Variants in FGF9 observed in about 807,000 individuals in gnomAD.
The protein encoded by FGF9 is fibroblast growth factor 9.
FGF9 carries 3 observed loss-of-function variants against 19.9 expected under a neutral mutation model. That is an observed-to-expected ratio of 0.15 (90% CI 0.07 to 0.39). The LOEUF is 0.39. Ranked by LOEUF, FGF9 falls within the 10% of genes least tolerant of loss-of-function variation. The probability of loss-of-function intolerance (pLI) is 1.00; values close to 1 mark genes in which losing one functional copy is unlikely to be tolerated. For synonymous variants in FGF9, 107 were observed against 106.9 expected (o/e 1.00, Z -0.01); for missense variants, 175 against 256.8 (o/e 0.68, Z 2.18).
In FGF9 at chr13:21,701,918, C is replaced by T. The variant is rs145722356; in HGVS notation, c.*483C>T. ...TGGCCTGCGCGAGGGTGCAGTCTTACTTAAAAGACTTTCAGTTAATTCTCA... is the reference window on the plus strand; with the variant it reads ...TGGCCTGCGCGAGGGTGCAGTCTTATTTAAAAGACTTTCAGTTAATTCTCA... On this transcript the variant is annotated 3_prime_UTR_variant, in exon 3 of 3. Transcript: ENST00000382353. 3.2e-3 allele frequency: 498 copies of T among 154,964 alleles called. No individual in the cohort carries two copies. Among genetic ancestry groups the T allele is most frequent in the African/African-American group, 0.011 (470 of 41,490 alleles). The allele number at this position is 154,964 out of a possible 1,614,324, so 9.6% of individuals were successfully genotyped here.
intron 1 of FGF9, among the ~76,000 whole-genome samples, chr13:21,676,882 G>T (rs1274820742): frequency 6.6e-6 from 1 of 152,188 alleles, no homozygotes; most frequent in Non-Finnish European, 1.5e-5. Context: ...AGGGGGCGGT[G>T]CCAGCTTTGG....
intron 1 of FGF9, among the ~76,000 whole-genome samples, chr13:21,680,217 A>C (rs768720161): frequency 1.6e-4 from 25 of 152,154 alleles, no homozygotes; most frequent in Non-Finnish European, 2.9e-4. Context: ...ATCTCTTCAG[A>C]ATATTATTAT....
intron 1 of FGF9, among the ~76,000 whole-genome samples, chr13:21,676,294 C>G (rs1871913270): frequency 6.6e-6 from 1 of 152,080 alleles, no homozygotes; most frequent in Admixed American, 6.5e-5. Flanking sequence ...ACTGGGGCTT[C>G]CATTCAAATT....
At chr13:21,686,269 T>C (rs1010438538) in intron 2 of FGF9, among the ~76,000 whole-genome samples, 4 of 152,330 alleles carry the variant, frequency 2.6e-5, no homozygotes, top group Non-Finnish European at 4.4e-5. Context: ...CATCAAGTGA[T>C]CTGCCAGCCT....
At position 21,671,764 on chromosome 13, in the gene FGF9, A is replaced by T; in HGVS notation, c.-149A>T. On this transcript the variant is annotated 5_prime_UTR_variant, in exon 1 of 3. Transcript: ENST00000382353. ...AACAGCAGATTACTTTTATTTATGC[A>T]TTTAATGGATTGAAGAAAAGAACCT... 1.2e-6 allele frequency: 1 copy of T among 863,384 alleles called. No individual in the cohort carries two copies. Among genetic ancestry groups the T allele is most frequent in the Non-Finnish European group, 1.9e-6 (1 of 539,190 alleles). 53.5% of individuals were successfully genotyped at this position (863,384 alleles called of 1,614,324 possible). A position where few individuals can be genotyped will look rare whatever the true frequency, so the allele number is the denominator to read the frequency against.
chr13:21,679,179 C>A (rs1053366997), intron 1 of FGF9, among the ~76,000 whole-genome samples: 3 of 152,156 alleles, frequency 2.0e-5, no homozygotes, highest in Non-Finnish European at 4.4e-5. Flanking sequence ...TGTAATTTCA[C>A]TTTTTTTGAT....
intron 1 of FGF9, among the ~76,000 whole-genome samples, chr13:21,676,611 G>A (rs1025992507): frequency 1.3e-5 from 2 of 152,226 alleles, no homozygotes; most frequent in African/African-American, 4.8e-5. Flanking sequence ...TGATCTGGCA[G>A]CCCTGGTTCG....
intron 2 of FGF9, among the ~76,000 whole-genome samples, chr13:21,685,437 G>GA (rs2138137472): frequency 6.6e-6 from 1 of 152,222 alleles, no homozygotes; most frequent in South Asian, 2.1e-4. Flanking sequence ...TACTTCTTCA[G>GA]AAAAATATAC....
rs980568819 is a variant in FGF9 at position 21,702,654 on chromosome 13, A to T, written c.*1219A>T. ...TTTTAAAGACGTAAGAATCAGATTA[A>T]CAGGATCATACTTGTAAACTTTTTT... On this transcript the variant is annotated 3_prime_UTR_variant, in exon 3 of 3. Transcript: ENST00000382353. 2.6e-5 allele frequency: 4 copies of T among 152,248 alleles called. No individual in the cohort carries two copies. The highest frequency in any genetic ancestry group is 9.6e-5 in the African/African-American group (4 of 41,464). 9.4% of individuals were successfully genotyped at this position (152,248 alleles called of 1,614,324 possible).
At position 21,701,997 on chromosome 13, in the gene FGF9, A is replaced by T. The variant is rs1030874199; in HGVS notation, c.*562A>T. The T allele has an allele frequency of 9.2e-5, 14 of 151,850 alleles. No homozygotes were observed. The highest frequency in any genetic ancestry group is 2.1e-4 in the South Asian group (1 of 4,826). 9.4% of individuals were successfully genotyped at this position (151,850 alleles called of 1,614,324 possible). A position where few individuals can be genotyped will look rare whatever the true frequency, so the allele number is the denominator to read the frequency against. On this transcript the variant is annotated 3_prime_UTR_variant, in exon 3 of 3. Coordinates refer to ENST00000382353, the MANE Select transcript of FGF9 (RefSeq NM_002010.3). ...AAGACCTCTTAGTAAAAAATAAAAA[A>T]AAATAAAAAATAAAAATAAAAAAAG...
At position 21,704,447 on chromosome 13, in the gene FGF9, A is replaced by G. The variant is rs1472831284; in HGVS notation, c.*3012A>G. The G allele has an allele frequency of 1.3e-5, 2 of 152,264 alleles. No homozygotes were observed. Among genetic ancestry groups the G allele is most frequent in the African/African-American group, 2.4e-5 (1 of 41,466 alleles). 9.4% of individuals were successfully genotyped at this position (152,264 alleles called of 1,614,324 possible). A position where few individuals can be genotyped will look rare whatever the true frequency, so the allele number is the denominator to read the frequency against. ...TGATAATCTGTAATTGTATGTAAATACATACAGGATTATGTAATTTGTGTA... is the reference window on the plus strand; with the variant it reads ...TGATAATCTGTAATTGTATGTAAATGCATACAGGATTATGTAATTTGTGTA... On this transcript the variant is annotated 3_prime_UTR_variant, in exon 3 of 3. Transcript: ENST00000382353.
rs1038941312 is a variant in FGF9, at chr13:21,671,852, A to G, written c.-61A>G. 6.2e-7 allele frequency: 1 copy of G among 1,602,752 alleles called. No homozygotes were observed. Among genetic ancestry groups the G allele is most frequent in the African/African-American group, 1.3e-5 (1 of 74,648 alleles). Reference sequence around the variant, plus strand: ...GGGAGTTGGATATACCTCGCCTAATATCTCCTGGGTTGACACCATCATTAT... The same window carrying G: ...GGGAGTTGGATATACCTCGCCTAATGTCTCCTGGGTTGACACCATCATTAT... On this transcript the variant is annotated 5_prime_UTR_variant, in exon 1 of 3. In the 5' UTR this introduces an upstream ATG that the reference lacks. Transcript: ENST00000382353.
At chr13:21,698,871 T>A (rs1872476505) in intron 2 of FGF9, among the ~76,000 whole-genome samples, 1 of 152,218 alleles carries the variant, frequency 6.6e-6, no homozygotes, top group African/African-American at 2.4e-5. Flanking sequence ...CAATCCCATC[T>A]TTTGGTCTGT....
chr13:21,697,837 C>T (rs1872444819), intron 2 of FGF9, among the ~76,000 whole-genome samples: 1 of 147,902 alleles, frequency 6.8e-6, no homozygotes, highest in Admixed American at 6.7e-5. Flanking sequence ...GACGGAGTCT[C>T]TCTCTGTCGC....
At chr13:21,677,629 G>C (rs1156292198) in intron 1 of FGF9, among the ~76,000 whole-genome samples, 1 of 152,116 alleles carries the variant, frequency 6.6e-6, no homozygotes, top group Non-Finnish European at 1.5e-5. Context: ...ATCCTGTTGC[G>C]GGGTTGCTAG....
In FGF9 at chr13:21,672,745, A is replaced by G. The variant is rs541578319; in HGVS notation, c.277+556A>G. ...GACGGATTGTCCTGTTGGGAGGACT[A>G]AAGTCATATTTTAGGCTCCGTGAAA... is the stretch of plus-strand genomic sequence containing the variant. On this transcript the variant is annotated intron_variant, in intron 1 of 2. Coordinates refer to ENST00000382353, the MANE Select transcript of FGF9 (RefSeq NM_002010.3). This position sits in a 1 kb window ranked among gnomAD's most constrained non-coding sequence, Gnocchi z 4.2. Among the ~76,000 whole-genome samples, 12 of 152,352 alleles carry G rather than the reference A, an allele frequency of 7.9e-5. No homozygotes were observed. Among genetic ancestry groups the G allele is most frequent in the East Asian group, 3.9e-4 (2 of 5,186 alleles).
At chr13:21,685,813 G>A (rs1029123023) in intron 2 of FGF9, among the ~76,000 whole-genome samples, 2 of 152,154 alleles carry the variant, frequency 1.3e-5, no homozygotes, top group African/African-American at 4.8e-5. Context: ...AATGGGTCTT[G>A]AGGGATAAAT....
At position 21,672,675 on chromosome 13, in the gene FGF9, A is replaced by T. The variant is rs923659722; in HGVS notation, c.277+486A>T. Among the ~76,000 whole-genome samples the T allele has an allele frequency of 3.3e-5, 5 of 151,986 alleles. No individual in the cohort carries two copies. The highest frequency in any genetic ancestry group is 1.2e-4 in the African/African-American group (5 of 41,352). Reference sequence around the variant, plus strand: ...GAATTGTATATTAAGTGCATTGTTTATTCTCCCCTGTGAGGGTCTGAAAGC... The same window carrying T: ...GAATTGTATATTAAGTGCATTGTTTTTTCTCCCCTGTGAGGGTCTGAAAGC... On this transcript the variant is annotated intron_variant, in intron 1 of 2. Transcript: ENST00000382353. The surrounding 1 kb of genome is among the most constrained non-coding windows in gnomAD (Gnocchi z 4.2).
At position 21,671,417 on chromosome 13, in the gene FGF9, G is replaced by A. The variant is rs1036727709; in HGVS notation, c.-496G>A. On this transcript the variant is annotated 5_prime_UTR_variant, in exon 1 of 3. Transcript: ENST00000382353. The stretch of plus-strand genomic sequence containing the variant: ...AAGGATTCATGCTGATGTCTGCAGA[G>A]TCGGTTAGAGAGTAAAAACAGCGCA... 4 of 411,080 alleles carry A rather than the reference G, an allele frequency of 9.7e-6. No homozygotes were observed. Among genetic ancestry groups the A allele is most frequent in the Non-Finnish European group, 1.7e-5 (4 of 233,776 alleles). 25.5% of individuals were successfully genotyped at this position (411,080 alleles called of 1,614,324 possible).
Sources: allele counts gnomAD v4.1 joint callset (sites outside exome capture counted in the v4.1 genomes callset), GRCh38; gene constraint gnomAD v4.1.1; non-coding constraint Gnocchi (gnomAD v3.1); transcripts MANE v1.5; gene names NCBI Gene and HGNC (gene_info 2026-07-23, HGNC 2026-07-21).